The following STK3 variants were observed in gnomAD, a reference collection of about 807,000 sequenced individuals.
STK3 encodes the protein serine/threonine kinase 3.
A neutral mutation model predicts 58.0 loss-of-function variants in STK3; 41 were observed. That is an observed-to-expected ratio of 0.71 (90% CI 0.55 to 0.92). The LOEUF is 0.92. Among genes scored for constraint, STK3 ranks in the 40% least tolerant of loss-of-function variants. The pLI is 0.00. For missense variants in STK3, 479 were observed against 602.7 expected (o/e 0.79, Z 2.15); for synonymous variants, 170 against 191.0 (o/e 0.89, Z 0.91).
chr8:98,934,622 A>G (rs1370242810), intron 1 of STK3, among the ~76,000 whole-genome samples: 3 of 152,248 alleles, frequency 2.0e-5, no homozygotes, highest in Admixed American at 6.5e-5. Flanking sequence ...CACATATAAG[A>G]TGACATATGT....
At position 98,765,271 on chromosome 8, in the gene STK3, T is replaced by C. The variant is rs370076005; in HGVS notation, c.236+1972A>G. ...GAACCACAGTTGAGGAATGTATCTT[T>C]TTTTTTCCTATAACCACTTGAATTT... is the stretch of plus-strand genomic sequence containing the variant. On this transcript the variant is annotated intron_variant, in intron 3 of 10. Coordinates refer to ENST00000419617, the MANE Select transcript of STK3 (RefSeq NM_006281.4). Among the ~76,000 whole-genome samples the C allele has an allele frequency of 1.1e-4, 16 of 152,348 alleles. No homozygotes were observed. In the East Asian group the frequency reaches 2.9e-3, roughly 28 times the overall value.
chr8:98,669,702 A>G (rs759752137), intron 6 of STK3, among the ~76,000 whole-genome samples: 3 of 152,216 alleles, frequency 2.0e-5, no homozygotes, highest in Non-Finnish European at 2.9e-5. Flanking sequence ...AACAGAATCA[A>G]GCAACATGTT....
At chr8:98,803,179 T>G (rs180829074) in intron 1 of STK3, among the ~76,000 whole-genome samples, 9 of 152,334 alleles carry the variant, frequency 5.9e-5, no homozygotes, top group African/African-American at 1.9e-4. Context: ...AAATTAAAAT[T>G]TATTTGCCTG....
intron 3 of STK3, among the ~76,000 whole-genome samples, chr8:98,857,547 A>T (rs564797392): frequency 1.2e-4 from 19 of 152,362 alleles, no homozygotes; most frequent in African/African-American, 4.3e-4. Flanking sequence ...GAATAAAAAA[A>T]AGATTAAATG....
At chr8:98,443,490 ACAATCTG>A (rs549414880) in intron 1 of STK3, among the ~76,000 whole-genome samples, 254 of 152,340 alleles carry the variant, frequency 1.7e-3, no homozygotes, top group African/African-American at 5.8e-3. Context: ...CAAGATAGAC[ACAATCTG>A]TGTCCTCATG....
chr8:98,789,211 G>C (rs1407286589), intron 1 of STK3, among the ~76,000 whole-genome samples: 1 of 152,132 alleles, frequency 6.6e-6, no homozygotes, highest in Non-Finnish European at 1.5e-5. Flanking sequence ...TCTTCGAACT[G>C]AACAACAATA....
At chr8:98,557,097 G>T (rs568932310) in intron 8 of STK3, among the ~76,000 whole-genome samples, 1 of 152,008 alleles carries the variant, frequency 6.6e-6, no homozygotes, top group South Asian at 2.1e-4. Flanking sequence ...AATCAACAAG[G>T]CATGTCCAAT....
chr8:98,535,126 G>A (rs1809647451), intron 9 of STK3, among the ~76,000 whole-genome samples: 1 of 152,088 alleles, frequency 6.6e-6, no homozygotes, highest in Non-Finnish European at 1.5e-5. Context: ...GTTTGTCAAG[G>A]AAAGTCAGAA....
chr8:98,606,981 A>G (rs967757051), intron 6 of STK3, among the ~76,000 whole-genome samples: 2 of 152,232 alleles, frequency 1.3e-5, no homozygotes, highest in Non-Finnish European at 2.9e-5. Flanking sequence ...GTATCTGAAG[A>G]GTGGTCATGT....
intron 1 of STK3, among the ~76,000 whole-genome samples, chr8:98,920,146 T>C (rs1839501264): frequency 2.0e-5 from 3 of 152,210 alleles, no homozygotes; most frequent in Admixed American, 2.0e-4. Flanking sequence ...GCCCTGCTCA[T>C]ACCAAGTGAG....
chr8:98,754,911 T>C (rs1587524265), intron 3 of STK3, among the ~76,000 whole-genome samples: 1 of 152,116 alleles, frequency 6.6e-6, no homozygotes, highest in African/African-American at 2.4e-5. Flanking sequence ...TACAAAAAAA[T>C]GTACATTTTT....
intron 4 of STK3, among the ~76,000 whole-genome samples, chr8:98,710,598 G>A (rs1826332036): frequency 6.6e-6 from 1 of 152,242 alleles, no homozygotes; most frequent in Admixed American, 6.5e-5. Flanking sequence ...TGGGGGAGGG[G>A]CGCCTGCCAT....
At chr8:98,901,861 A>G (rs1838669114) in intron 1 of STK3, among the ~76,000 whole-genome samples, 1 of 152,256 alleles carries the variant, frequency 6.6e-6, no homozygotes. Flanking sequence ...AATCATTAAT[A>G]GGCAAGCTGG....
In STK3 at chr8:98,645,328, T is replaced by C. The variant is rs187254737; in HGVS notation, c.685-49159A>G. Among the ~76,000 whole-genome samples, 186 of 152,276 alleles carry C rather than the reference T, an allele frequency of 1.2e-3. 1 individual carries two copies. Among genetic ancestry groups the C allele is most frequent in the Admixed American group, 6.2e-3 (95 of 15,288 alleles). On this transcript the variant is annotated intron_variant, in intron 6 of 10. Transcript: ENST00000419617. ...AACATACAGGGACTCCAATATTAGCTTCAAAACATTTTCAGAATGTCTAGC... is the reference window on the plus strand; with the variant it reads ...AACATACAGGGACTCCAATATTAGCCTCAAAACATTTTCAGAATGTCTAGC...
At chr8:98,414,691 G>A (rs1041425907) in intron 3 of STK3, among the ~76,000 whole-genome samples, 1 of 152,170 alleles carries the variant, frequency 6.6e-6, no homozygotes, top group East Asian at 1.9e-4. Context: ...AAATTTCCCA[G>A]CCTCCCTTGC....
intron 1 of STK3, among the ~76,000 whole-genome samples, chr8:98,818,025 A>G (rs1029148324): frequency 3.9e-5 from 6 of 152,150 alleles, no homozygotes; most frequent in Non-Finnish European, 8.8e-5. Context: ...ATCCAGGCAC[A>G]CTGGTGTCAT....
At chr8:98,447,981 T>G (rs919846802) in intron 1 of STK3, among the ~76,000 whole-genome samples, 2 of 125,316 alleles carry the variant, frequency 1.6e-5, no homozygotes, top group Non-Finnish European at 1.7e-5. Flanking sequence ...ATAATAATAA[T>G]AATAAAGCAA....
rs1186864031 is a variant in STK3 at position 98,825,611 on chromosome 8, G to A, written c.-71C>T. Reference sequence around the variant, plus strand: ...AAAGGAGGAAAGGAGCCGGGGCACCGGCCGGCCGAGCCTAGGGCACCACAG... The same window carrying A: ...AAAGGAGGAAAGGAGCCGGGGCACCAGCCGGCCGAGCCTAGGGCACCACAG... On this transcript the variant is annotated 5_prime_UTR_variant, in exon 1 of 11. Coordinates refer to ENST00000419617, the MANE Select transcript of STK3 (RefSeq NM_006281.4). The A allele has an allele frequency of 1.1e-5, 15 of 1,360,498 alleles. No individual in the cohort carries two copies. The highest frequency in any genetic ancestry group is 3.6e-5 in the Admixed American group (1 of 27,450). The allele number at this position is 1,360,498 out of a possible 1,614,324, so 84.3% of individuals were successfully genotyped here.
chr8:98,514,481 A>G (rs1392853678), intron 10 of STK3, among the ~76,000 whole-genome samples: 1 of 152,066 alleles, frequency 6.6e-6, no homozygotes, highest in Non-Finnish European at 1.5e-5. Context: ...TTGATAGCTA[A>G]AACTATTCTT....
Sources: allele counts gnomAD v4.1 joint callset (sites outside exome capture counted in the v4.1 genomes callset), GRCh38; gene constraint gnomAD v4.1.1; transcripts MANE v1.5; gene names NCBI Gene and HGNC (gene_info 2026-07-23, HGNC 2026-07-21).